The following ATP13A4 variants were observed in gnomAD, a reference collection of about 807,000 sequenced individuals.
The protein encoded by ATP13A4 is ATPase 13A4.
In ATP13A4, 114 loss-of-function variants were observed where a neutral mutation model predicts 142.5. The ratio of observed to expected loss-of-function variants is 0.80; its 90% CI spans 0.69 to 0.93. The LOEUF is 0.93. Among genes scored for constraint, ATP13A4 ranks in the 40% least tolerant of loss-of-function variants. The probability of loss-of-function intolerance (pLI) is 0.00; values close to 1 mark genes in which losing one functional copy is unlikely to be tolerated. For synonymous variants in ATP13A4, 488 were observed against 514.8 expected, an observed-to-expected ratio of 0.95 and a Z score of 0.70; for missense variants, 1,392 against 1,454.0, an observed-to-expected ratio of 0.96 and a Z score of 0.69.
intron 25 of ATP13A4, among the ~76,000 whole-genome samples, chr3:193,431,997 G>T (rs960256339): frequency 6.6e-6 from 1 of 151,880 alleles, no homozygotes; most frequent in Admixed American, 6.6e-5. Context: ...ATAACTGTTT[G>T]GGAAGTTTAA....
intron 1 of ATP13A4, among the ~76,000 whole-genome samples, chr3:193,526,608 C>T (rs1468936873): frequency 6.6e-6 from 1 of 152,012 alleles, no homozygotes; most frequent in East Asian, 1.9e-4. Flanking sequence ...TATCCCAGAA[C>T]TTAAAGTAAA....
chr3:193,527,005 A>C (rs961169328), intron 1 of ATP13A4, among the ~76,000 whole-genome samples: 1 of 152,238 alleles, frequency 6.6e-6, no homozygotes, highest in Non-Finnish European at 1.5e-5. Context: ...AGATCACATC[A>C]ATGCTTGTTG....
chr3:193,483,631 A>AT (rs1719430616), intron 8 of ATP13A4, among the ~76,000 whole-genome samples: 2 of 152,034 alleles, frequency 1.3e-5, no homozygotes, highest in South Asian at 2.1e-4. Context: ...CGCCCGGCTA[A>AT]TTTTTTGTAT....
chr3:193,522,660 T>C lies in ATP13A4; in HGVS notation c.61-7789A>G, dbSNP rs575101506. Among the ~76,000 whole-genome samples the C allele has an allele frequency of 6.6e-5, 10 of 152,334 alleles. No homozygotes were observed. The East Asian group carries it at 1.9e-3, about 29-fold the overall frequency. The stretch of plus-strand genomic sequence containing the variant: ...ACAGTGCATGAACACTTGTTGATTG[T>C]CCAGATTTGAGCTAATGGATGTGCT... On this transcript the variant is annotated intron_variant, in intron 1 of 29. Coordinates refer to ENST00000342695, the MANE Select transcript of ATP13A4 (RefSeq NM_032279.4).
At chr3:193,420,013 A>G (rs1715327735) in intron 25 of ATP13A4, among the ~76,000 whole-genome samples, 1 of 149,622 alleles carries the variant, frequency 6.7e-6, no homozygotes, top group Non-Finnish European at 1.5e-5. Flanking sequence ...TTGCCATTAT[A>G]TCCTATTAGC....
At chr3:193,437,430 T>C (rs944956581) in intron 23 of ATP13A4, among the ~76,000 whole-genome samples, 12 of 152,122 alleles carry the variant, frequency 7.9e-5, no homozygotes, top group African/African-American at 2.9e-4. Flanking sequence ...CATGAATAAA[T>C]AAAAAATTGG....
At chr3:193,520,770 A>G (rs902800028) in intron 1 of ATP13A4, among the ~76,000 whole-genome samples, 2 of 152,200 alleles carry the variant, frequency 1.3e-5, no homozygotes, top group African/African-American at 4.8e-5. Flanking sequence ...CCCATTTTCC[A>G]TTAACAATGT....
chr3:193,522,525 A>G (rs1287317351), intron 1 of ATP13A4, among the ~76,000 whole-genome samples: 1 of 152,190 alleles, frequency 6.6e-6, no homozygotes, highest in Non-Finnish European at 1.5e-5. Flanking sequence ...TAAGAGAGCC[A>G]GGTCCTTTTT....
exon 2 of ATP13A4, chr3:193,581,900 G>C (rs1228231725): frequency 2.0e-5 from 3 of 152,016 alleles, no homozygotes; most frequent in African/African-American, 7.2e-5. Flanking sequence ...GGACAGAAAA[G>C]AGAAGTCTGG....
chr3:193,592,961 G>T, intron 1 of ATP13A4: 1 of 200,814 alleles, frequency 5.0e-6, no homozygotes, highest in Non-Finnish European at 1.0e-5. Flanking sequence ...CTCATTCCAC[G>T]CCTTTAGCCC....
intron 26 of ATP13A4, among the ~76,000 whole-genome samples, chr3:193,413,346 T>C (rs1844469): frequency 0.053 from 8,023 of 152,238 alleles, 397 homozygotes; most frequent in East Asian, 0.18. Context: ...ATTGTACAAA[T>C]TGATTGTAAA....
intron 23 of ATP13A4, 83 bp from the exon 24 acceptor site, chr3:193,435,827 A>C: frequency 8.0e-7 from 1 of 1,255,338 alleles, no homozygotes; most frequent in Non-Finnish European, 1.2e-6. Flanking sequence ...AGCTAAGCTC[A>C]GGAGAAAAAA....
At chr3:193,544,322 G>A (rs1234987213) in intron 1 of ATP13A4, among the ~76,000 whole-genome samples, 1 of 152,140 alleles carries the variant, frequency 6.6e-6, no homozygotes, top group Non-Finnish European at 1.5e-5. Flanking sequence ...TTAATAGCTA[G>A]TGGAGAAGCA....
At chr3:193,417,700 A>ATGT (rs1361802616) in intron 25 of ATP13A4, among the ~76,000 whole-genome samples, 1 of 139,394 alleles carries the variant, frequency 7.2e-6, no homozygotes, top group East Asian at 2.7e-4. Flanking sequence ...ACAAAAAAGA[A>ATGT]ATTGGCCAGG....
At position 193,411,076 on chromosome 3, in the gene ATP13A4, G is replaced by A; in HGVS notation, c.3209-6C>T. 1.3e-6 allele frequency: 2 copies of A among 1,584,552 alleles called. No homozygotes were observed. The highest frequency in any genetic ancestry group is 1.7e-6 in the Non-Finnish European group (2 of 1,153,354). On this transcript the variant is annotated splice_region_variant and splice_polypyrimidine_tract_variant and intron_variant, in intron 27 of 29. Transcript: ENST00000342695. ...CAGCACAAGGACAAATATATCTGAGGAAATAAGAACACAAGGTATTATTTT... is the reference window on the plus strand; with the variant it reads ...CAGCACAAGGACAAATATATCTGAGAAAATAAGAACACAAGGTATTATTTT...
intron 7 of ATP13A4, among the ~76,000 whole-genome samples, chr3:193,488,571 T>C (rs1344731369): frequency 6.6e-6 from 1 of 152,178 alleles, no homozygotes; most frequent in Non-Finnish European, 1.5e-5. Context: ...TAAAATGATC[T>C]ATGGGCTTTG....
chr3:193,492,724 T>C (rs1440572863), intron 5 of ATP13A4, among the ~76,000 whole-genome samples, 193 bp downstream of exon 5: 4 of 152,168 alleles, frequency 2.6e-5, no homozygotes, highest in Non-Finnish European at 4.4e-5. Context: ...TAATGTCTGT[T>C]CTACCTGCCC....
intron 17 of ATP13A4, among the ~76,000 whole-genome samples, chr3:193,452,761 T>G (rs1226955457): frequency 1.4e-5 from 2 of 143,094 alleles, no homozygotes; most frequent in African/African-American, 2.6e-5. Flanking sequence ...TTACTATTAT[T>G]ATAGAATATA....
At chr3:193,576,237 G>T (rs1238798406) in intron 2 of ATP13A4, among the ~76,000 whole-genome samples, 1 of 143,072 alleles carries the variant, frequency 7.0e-6, no homozygotes, top group African/African-American at 2.6e-5. Flanking sequence ...ATGGAATGTG[G>T]CTTGAATCAA....
Sources: gnomAD v4.1 joint callset for allele counts (sites outside exome capture counted in the v4.1 genomes callset) on GRCh38, gnomAD v4.1.1 for gene constraint, MANE v1.5 for transcripts, NCBI Gene and HGNC (gene_info 2026-07-23, HGNC 2026-07-21) for gene names.